The following PCBP3 variants were observed in gnomAD, a reference collection of about 807,000 sequenced individuals.
The protein encoded by PCBP3 is poly(rC)-binding protein 3.
A neutral mutation model predicts 52.7 loss-of-function variants in PCBP3; 25 were observed. That is an observed-to-expected ratio of 0.47 (90% CI 0.35 to 0.66). PCBP3 has a LOEUF of 0.66. PCBP3 is among the 30% of genes least tolerant of loss of function. The pLI is 0.01. For missense variants in PCBP3, 391 were observed against 490.3 expected (o/e 0.80, Z 1.91); for synonymous variants, 162 against 183.0 (o/e 0.89, Z 0.93).
chr21:45,686,752 C>G (rs1455403219), intron 2 of PCBP3, among the ~76,000 whole-genome samples: 1 of 151,918 alleles, frequency 6.6e-6, no homozygotes, highest in African/African-American at 2.4e-5. Context: ...AAATAAATAT[C>G]AGAAATGAAA....
chr21:45,842,424 G>A (rs930896236), intron 4 of PCBP3, among the ~76,000 whole-genome samples: 1 of 151,902 alleles, frequency 6.6e-6, no homozygotes, highest in Admixed American at 6.6e-5. Flanking sequence ...TCTCCATATC[G>A]CCTACTTATT....
chr21:45,927,637 C>T (rs1412086729), intron 13 of PCBP3, among the ~76,000 whole-genome samples: 4 of 151,862 alleles, frequency 2.6e-5, no homozygotes, highest in Admixed American at 6.6e-5. Context: ...CTCCCTAGGA[C>T]GTCCCCTACA....
chr21:45,668,679 C>G (rs905862290), intron 1 of PCBP3, among the ~76,000 whole-genome samples, 195 bp from the exon 2 acceptor site: 20 of 151,998 alleles, frequency 1.3e-4, no homozygotes, highest in Non-Finnish European at 2.6e-4. Flanking sequence ...TGTGGCAAGC[C>G]TTTGGTTAAA....
intron 4 of PCBP3, among the ~76,000 whole-genome samples, chr21:45,782,722 A>T (rs1211133137): frequency 6.6e-6 from 1 of 152,234 alleles, no homozygotes. Context: ...AAGCAAGCAA[A>T]CAAGCAAGCA....
chr21:45,928,434 A>G lies in PCBP3; in HGVS notation c.718-1483A>G, dbSNP rs2075766504. On this transcript the variant is annotated intron_variant, in intron 13 of 17. Transcript: ENST00000681687. The surrounding 1 kb of genome is among the most constrained non-coding windows in gnomAD (Gnocchi z 4.1). ...CCAGGGTACTAGGTACTGAGGAAGG[A>G]AGGGCCTTTATCTTGACTCTGGGTG... Among the ~76,000 whole-genome samples, 1 of 152,142 alleles carries G rather than the reference A, an allele frequency of 6.6e-6. No homozygotes were observed. Among genetic ancestry groups the G allele is most frequent in the Admixed American group, 6.5e-5 (1 of 15,284 alleles).
intron 13 of PCBP3, among the ~76,000 whole-genome samples, chr21:45,921,962 G>C (rs1238907837): frequency 5.3e-5 from 8 of 152,238 alleles, no homozygotes; most frequent in Non-Finnish European, 1.2e-4. Context: ...GCACAGAGCT[G>C]CTCGACAGGG....
chr21:45,846,665 C>T (rs77715770), intron 4 of PCBP3, among the ~76,000 whole-genome samples: 1,929 of 152,254 alleles, frequency 0.013, 20 homozygotes, highest in Non-Finnish European at 0.019. Flanking sequence ...ATTATAAAGC[C>T]AGCTTCCGTG....
intron 4 of PCBP3, among the ~76,000 whole-genome samples, chr21:45,759,475 TG>T (rs1293672199): frequency 6.6e-6 from 1 of 152,244 alleles, no homozygotes; most frequent in Non-Finnish European, 1.5e-5. Context: ...TTCTCTTCTT[TG>T]GAAACCTCAG....
chr21:45,902,218 C>G (rs890415239), intron 9 of PCBP3, among the ~76,000 whole-genome samples: 2 of 152,088 alleles, frequency 1.3e-5, no homozygotes, highest in Non-Finnish European at 2.9e-5. Flanking sequence ...GAGCCGACTG[C>G]AGCAGAGCCT....
chr21:45,750,410 C>A (rs965237942), intron 3 of PCBP3: 7 of 97,316 alleles, frequency 7.2e-5, no homozygotes, highest in Non-Finnish European at 1.4e-4. Context: ...CCCCCCCCCC[C>A]CTTCTTCCTG....
intron 13 of PCBP3, among the ~76,000 whole-genome samples, chr21:45,925,694 AG>A (rs2075309556): frequency 6.6e-6 from 1 of 152,022 alleles, no homozygotes; most frequent in African/African-American, 2.4e-5. Flanking sequence ...TAACATCAGT[AG>A]GGGGAAAAAA....
chr21:45,715,036 G>A (rs536579608), intron 2 of PCBP3, among the ~76,000 whole-genome samples: 3 of 152,296 alleles, frequency 2.0e-5, no homozygotes, highest in African/African-American at 7.2e-5. Context: ...ACATTAAAAT[G>A]AATGAATTAA....
chr21:45,699,794 A>G (rs1291297734), intron 2 of PCBP3, among the ~76,000 whole-genome samples: 1 of 152,180 alleles, frequency 6.6e-6, no homozygotes, highest in Non-Finnish European at 1.5e-5. Context: ...TAGCATGGGA[A>G]AGACCCACCC....
At position 45,843,545 on chromosome 21, in the gene PCBP3, T is replaced by C. The variant is rs201253983; in HGVS notation, c.-125-6416T>C. Among the ~76,000 whole-genome samples, 50 of 152,376 alleles carry C rather than the reference T, an allele frequency of 3.3e-4. 1 individual carries two copies. In the East Asian group the frequency reaches 8.7e-3, roughly 26 times the overall value. ...TCCTTTTAAAAGCTATAAACTTTACTGTGAGTTCTGTTGCAGCTGTTTGCT... is the reference window on the plus strand; with the variant it reads ...TCCTTTTAAAAGCTATAAACTTTACCGTGAGTTCTGTTGCAGCTGTTTGCT... On this transcript the variant is annotated intron_variant, in intron 4 of 17. Transcript: ENST00000681687.
At chr21:45,730,466 GAAAATAT>G (rs2085370750) in intron 2 of PCBP3, among the ~76,000 whole-genome samples, 6 of 151,876 alleles carry the variant, frequency 4.0e-5, no homozygotes, top group Admixed American at 3.9e-4. Flanking sequence ...TATTACCTTT[GAAAATAT>G]CTCATGACCA....
intron 13 of PCBP3, among the ~76,000 whole-genome samples, chr21:45,923,684 C>G (rs531762861): frequency 5.1e-4 from 78 of 152,322 alleles, no homozygotes; most frequent in African/African-American, 1.9e-3. Flanking sequence ...GAGAAAATTC[C>G]AAGAGACACA....
intron 4 of PCBP3, among the ~76,000 whole-genome samples, chr21:45,757,444 A>T (rs1241790016): frequency 6.6e-6 from 1 of 152,126 alleles, no homozygotes; most frequent in African/African-American, 2.4e-5. Flanking sequence ...CAGAGATAAG[A>T]TTGCTATCAG....
At chr21:45,774,130 C>T (rs951755300) in intron 4 of PCBP3, among the ~76,000 whole-genome samples, 5 of 151,980 alleles carry the variant, frequency 3.3e-5, no homozygotes, top group African/African-American at 9.7e-5. Context: ...TGGGGCCGGG[C>T]GTGGTGGCTC....
At chr21:45,929,544 A>G (rs1304905807) in intron 13 of PCBP3, among the ~76,000 whole-genome samples, 1 of 152,162 alleles carries the variant, frequency 6.6e-6, no homozygotes, top group East Asian at 1.9e-4. Context: ...AATCTCCTAG[A>G]AGTGCAGCTG....
Sources: allele counts gnomAD v4.1 joint callset (sites outside exome capture counted in the v4.1 genomes callset), GRCh38; gene constraint gnomAD v4.1.1; non-coding constraint Gnocchi (gnomAD v3.1); transcripts MANE v1.5; gene names NCBI Gene and HGNC (gene_info 2026-07-23, HGNC 2026-07-21).